The following ARID1A variants were observed in gnomAD, a reference collection of about 807,000 sequenced individuals.
The protein encoded by ARID1A is AT-rich interactive domain-containing protein 1A.
Under a neutral mutation model 212.6 loss-of-function variants are expected in ARID1A, and 20 were observed. The observed-to-expected ratio is 0.09, with a 90% CI of 0.07 to 0.14. ARID1A has a LOEUF of 0.14. Among genes scored for constraint, ARID1A ranks in the 10% least tolerant of loss-of-function variants. The probability of loss-of-function intolerance (pLI) is 1.00; values close to 1 mark genes in which losing one functional copy is unlikely to be tolerated. For missense variants in ARID1A, 2,587 were observed against 3,059.0 expected (o/e 0.85, Z 3.64); for synonymous variants, 1,376 against 1,222.1 (o/e 1.13, Z -2.63).
chr1:26,755,247 C>T lies in ARID1A; in HGVS notation c.1921-5609C>T, dbSNP rs996712982. On this transcript the variant is annotated intron_variant, in intron 4 of 19. Coordinates refer to ENST00000324856, the MANE Select transcript of ARID1A (RefSeq NM_006015.6). ...GCTGTAGTTAATCGTAAATGATTTA[C>T]CCCTTTCTATGCTAACATTTTGGCT... is the stretch of plus-strand genomic sequence containing the variant. 2.6e-5 allele frequency among the ~76,000 whole-genome samples: 4 copies of T among 152,328 alleles called. 1 individual carries two copies. The highest frequency in any genetic ancestry group is 9.6e-5 in the African/African-American group (4 of 41,570).
intron 13 of ARID1A, 72 bp from the exon 14 acceptor site, chr1:26,772,740 C>CT (rs1486696138): frequency 3.1e-6 from 5 of 1,605,884 alleles, no homozygotes; most frequent in Non-Finnish European, 4.3e-6. Context: ...CAGCCAGTGA[C>CT]TCCTGCGTGT....
At position 26,697,209 on chromosome 1, in the gene ARID1A, A is replaced by G. The variant is rs941460622; in HGVS notation, c.806A>G (p.Gln269Arg). 7.1e-7 allele frequency: 1 copy of G among 1,405,192 alleles called. No individual in the cohort carries two copies. Among genetic ancestry groups the G allele is most frequent in the Non-Finnish European group, 9.2e-7 (1 of 1,086,450 alleles). The allele number at this position is 1,405,192 out of a possible 1,614,324, so 87.0% of individuals were successfully genotyped here. Residue 269 changes from glutamine to arginine, a missense_variant, in exon 1 of 20, where the codon CAG (glutamine) becomes CGG (arginine). Gln to Arg is a conservative substitution (Grantham distance 43). Coordinates refer to ENST00000324856, the MANE Select transcript of ARID1A (RefSeq NM_006015.6). Reference sequence around the variant, plus strand: ...TCGTCGTCTTCGTCCTTCGCTCAGCAGCGCTTCGGGGCCATGGGGGGAGGC... The same window carrying G: ...TCGTCGTCTTCGTCCTTCGCTCAGCGGCGCTTCGGGGCCATGGGGGGAGGC... The part of the protein sequence containing the change: ...ASSSSSSFAQ[Q>R]RFGAMGGGGP...
intron 10 of ARID1A, among the ~76,000 whole-genome samples, 198 bp from the exon 11 acceptor site, chr1:26,767,592 A>G (rs977649991): frequency 7.2e-5 from 11 of 152,168 alleles, no homozygotes; most frequent in Non-Finnish European, 1.0e-4. Flanking sequence ...ACATATATTT[A>G]GTGTTAGCTT....
intron 1 of ARID1A, among the ~76,000 whole-genome samples, chr1:26,710,769 T>TA (rs1475499930): frequency 6.6e-6 from 1 of 152,176 alleles, no homozygotes; most frequent in African/African-American, 2.4e-5. Context: ...TATATCCAGA[T>TA]TACCTGAGGG....
At chr1:26,765,932 C>T (rs2081035680) in intron 8 of ARID1A, 2 of 329,766 alleles carry the variant, frequency 6.1e-6, no homozygotes, top group African/African-American at 2.1e-5. Context: ...GTCTTAGGCA[C>T]TCAGGAGGCT....
intron 4 of ARID1A, among the ~76,000 whole-genome samples, chr1:26,749,627 CAA>C (rs1231074378): frequency 6.6e-6 from 1 of 152,182 alleles, no homozygotes; most frequent in Non-Finnish European, 1.5e-5. Context: ...AGACCTGCCT[CAA>C]GAGATTTTGC....
chr1:26,738,385 C>T (rs890401757), intron 4 of ARID1A, among the ~76,000 whole-genome samples: 1 of 152,124 alleles, frequency 6.6e-6, no homozygotes, highest in African/African-American at 2.4e-5. Context: ...ATTTAAATTA[C>T]TTATTTAATG....
At chr1:26,757,099 C>T (rs777613437) in intron 4 of ARID1A, among the ~76,000 whole-genome samples, 53 of 151,836 alleles carry the variant, frequency 3.5e-4, no homozygotes, top group Non-Finnish European at 5.9e-4. Flanking sequence ...TTTCTAATCC[C>T]AGCTACTCAG....
intron 7 of ARID1A, 122 bp downstream of exon 7, chr1:26,762,441 C>A: frequency 1.7e-6 from 2 of 1,150,770 alleles, no homozygotes; most frequent in Non-Finnish European, 2.4e-6. Flanking sequence ...CTTTAATCCA[C>A]CCAGCCCAGG....
intron 7 of ARID1A, 150 bp from the exon 8 acceptor site, chr1:26,762,823 C>T (rs1023917443): frequency 3.4e-5 from 28 of 812,824 alleles, no homozygotes; most frequent in African/African-American, 5.2e-5. Context: ...TGGAATCCCC[C>T]CCTTTTTCTC....
At chr1:26,721,929 T>G (rs1471356880) in intron 1 of ARID1A, among the ~76,000 whole-genome samples, 1 of 152,190 alleles carries the variant, frequency 6.6e-6, no homozygotes, top group Non-Finnish European at 1.5e-5. Context: ...TCAATGACTC[T>G]TCCCCTTTTG....
intron 4 of ARID1A, among the ~76,000 whole-genome samples, chr1:26,759,790 G>T (rs1029159927): frequency 1.3e-5 from 2 of 152,144 alleles, no homozygotes; most frequent in African/African-American, 2.4e-5. Flanking sequence ...AAACATAAAA[G>T]CTGGGAAAAA....
rs2081177335 is a variant in ARID1A, at chr1:26,780,111, G to A, written c.6213G>A (p.Leu2071=). 6.2e-7 allele frequency: 1 copy of A among 1,614,042 alleles called. No individual in the cohort carries two copies. The highest frequency in any genetic ancestry group is 1.7e-5 in the Admixed American group (1 of 59,996). Residue 2071 remains leucine (L), a synonymous_variant, in exon 20 of 20, where the codon TTG becomes TTA. Transcript: ENST00000324856. This position sits in a 1 kb window ranked among gnomAD's most constrained non-coding sequence, Gnocchi z 7.2. ...CACTCGCCAACATCTCGGGGCAGTT[G>A]GACCTATCTCCATACCCCGAGAGCA... is the stretch of plus-strand genomic sequence containing the variant. The part of the protein sequence containing the change: ...LVTLANISGQ[L]DLSPYPESIC...
rs1422929789 is a variant in ARID1A at position 26,773,277 on chromosome 1, G to C, written c.3716-69G>C. ...CAAACCTGAACTCTGAAGAGGGCCT[G>C]GGTCAAAGGGTAGATTACCAGGCTT... On this transcript the variant is annotated intron_variant, in intron 14 of 19. Transcript: ENST00000324856. The C allele has an allele frequency of 6.6e-6, 10 of 1,504,992 alleles. No individual in the cohort carries two copies. The East Asian group carries it at 1.8e-4, about 27-fold the overall frequency. The allele number at this position is 1,504,992 out of a possible 1,614,324, so 93.2% of individuals were successfully genotyped here.
chr1:26,768,052 C>T, intron 11 of ARID1A, 53 bp downstream of exon 11: 1 of 1,562,980 alleles, frequency 6.4e-7, no homozygotes. Context: ...AAACCCCTTT[C>T]TAGGTACTCA....
At chr1:26,755,600 T>TA (rs1033456636) in intron 4 of ARID1A, among the ~76,000 whole-genome samples, 1 of 152,184 alleles carries the variant, frequency 6.6e-6, no homozygotes, top group Non-Finnish European at 1.5e-5. Context: ...AGGTTTTCTT[T>TA]AGGCTCCTAG....
chr1:26,699,368 G>A (rs181735805), intron 1 of ARID1A, among the ~76,000 whole-genome samples: 91 of 152,260 alleles, frequency 6.0e-4, no homozygotes, highest in Admixed American at 1.5e-3. Context: ...AGTCATACAT[G>A]TTTTCAAAGA....
chr1:26,698,493 G>A (rs1400851697), intron 1 of ARID1A, among the ~76,000 whole-genome samples: 1 of 152,210 alleles, frequency 6.6e-6, no homozygotes, highest in Non-Finnish European at 1.5e-5. Context: ...ATCAGCAAGA[G>A]CAAAGCCTCA....
Position 26,696,715 on chromosome 1 carries a change from C to T in ARID1A, c.312C>T (p.Asn104=), listed in dbSNP as rs2080259083. The T allele has an allele frequency of 1.5e-6, 2 of 1,369,796 alleles. No homozygotes were observed. The highest frequency in any genetic ancestry group is 1.9e-6 in the Non-Finnish European group (2 of 1,061,828). The allele number at this position is 1,369,796 out of a possible 1,614,324, so 84.9% of individuals were successfully genotyped here. A position where few individuals can be genotyped will look rare whatever the true frequency, so the allele number is the denominator to read the frequency against. The change falls in exon 1 of 20, where the codon AAC becomes AAT. Residue 104 remains asparagine, a synonymous_variant. Coordinates refer to ENST00000324856, the MANE Select transcript of ARID1A (RefSeq NM_006015.6). ...PGAEPDLKNS[N]GNAGPRPALN... Reference sequence around the variant, plus strand: ...CGGAGCCGGACCTGAAGAACTCGAACGGGAACGCGGGCCCTAGGCCCGCCC... The same window carrying T: ...CGGAGCCGGACCTGAAGAACTCGAATGGGAACGCGGGCCCTAGGCCCGCCC...
Sources: gnomAD v4.1 joint callset for allele counts (sites outside exome capture counted in the v4.1 genomes callset) on GRCh38, gnomAD v4.1.1 for gene constraint, Gnocchi (gnomAD v3.1) non-coding constraint, MANE v1.5 for transcripts, NCBI Gene and HGNC (gene_info 2026-07-23, HGNC 2026-07-21) for gene names.